The following DNAH9 variants were observed in gnomAD, a reference collection of about 807,000 sequenced individuals.
DNAH9 encodes dynein axonemal heavy chain 9.
Under a neutral mutation model 471.6 loss-of-function variants are expected in DNAH9, and 345 were observed. The ratio of observed to expected loss-of-function variants is 0.73; its 90% CI spans 0.67 to 0.80. The LOEUF is 0.80. Ranked by LOEUF, DNAH9 falls within the 30% of genes least tolerant of loss-of-function variation. The pLI is 0.00. For missense variants in DNAH9, 5,407 were observed against 5,609.2 expected (o/e 0.96, Z 1.15); for synonymous variants, 2,093 against 2,123.6 (o/e 0.99, Z 0.40).
At position 11,605,344 on chromosome 17, in the gene DNAH9, A is replaced by G. The variant is rs778350238; in HGVS notation, c.418-2785A>G. ...TTCTTGACTGTCTCTCCCTTAGAAT[A>G]TAAGCTTCATGAGGTCAGAAATTTT... On this transcript the variant is annotated intron_variant, in intron 1 of 68. Coordinates refer to ENST00000262442, the MANE Select transcript of DNAH9 (RefSeq NM_001372.4). 5.3e-5 allele frequency among the ~76,000 whole-genome samples: 8 copies of G among 152,192 alleles called. No homozygotes were observed. In the South Asian group the frequency reaches 1.2e-3, roughly 24 times the overall value.
At chr17:11,734,199 C>T (rs961993758) in intron 28 of DNAH9, among the ~76,000 whole-genome samples, 2 of 152,084 alleles carry the variant, frequency 1.3e-5, no homozygotes, top group African/African-American at 4.8e-5. Context: ...TCAGGCCCCA[C>T]CCCAGACCTG....
At chr17:11,692,161 A>G (rs1597485245) in intron 20 of DNAH9, among the ~76,000 whole-genome samples, 2 of 152,224 alleles carry the variant, frequency 1.3e-5, no homozygotes, top group African/African-American at 4.8e-5. Flanking sequence ...AAGGAATGGC[A>G]GGCCTGGGCT....
intron 5 of DNAH9, 52 bp from the exon 6 acceptor site, chr17:11,619,496 A>C: frequency 9.6e-7 from 1 of 1,042,160 alleles, no homozygotes; most frequent in Non-Finnish European, 1.5e-6. Context: ...GGTGTTGCAA[A>C]GTTACAGGAT....
intron 61 of DNAH9, among the ~76,000 whole-genome samples, chr17:11,922,188 T>C (rs1974158646): frequency 6.6e-6 from 1 of 152,256 alleles, no homozygotes; most frequent in Non-Finnish European, 1.5e-5. Flanking sequence ...AATGACAGTC[T>C]ATACATTGTT....
At chr17:11,622,712 A>G (rs143895437) in intron 6 of DNAH9, among the ~76,000 whole-genome samples, 1,671 of 152,322 alleles carry the variant, frequency 0.011, 15 homozygotes, top group Non-Finnish European at 0.018. Context: ...TTCAGTAAAT[A>G]TAAGCAGTGA....
At chr17:11,651,438 C>A in intron 13 of DNAH9, 114 bp downstream of exon 13, 1 of 1,099,470 alleles carries the variant, frequency 9.1e-7, no homozygotes, top group Non-Finnish European at 1.3e-6. Flanking sequence ...AAACATAAGT[C>A]TGTCTTCTCC....
chr17:11,803,501 C>G (rs548742884), intron 43 of DNAH9, among the ~76,000 whole-genome samples: 2 of 152,302 alleles, frequency 1.3e-5, no homozygotes, highest in South Asian at 4.1e-4. Context: ...CTCAGAAATT[C>G]AGTAATGGAC....
intron 29 of DNAH9, among the ~76,000 whole-genome samples, chr17:11,741,343 G>C (rs2075430231): frequency 6.6e-6 from 1 of 152,160 alleles, no homozygotes; most frequent in Admixed American, 6.5e-5. Context: ...CTATATTATT[G>C]TATATGCCAT....
chr17:11,769,930 T>C (rs1299729644), intron 38 of DNAH9, among the ~76,000 whole-genome samples: 1 of 152,234 alleles, frequency 6.6e-6, no homozygotes, highest in African/African-American at 2.4e-5. Context: ...AGTCTCCTTT[T>C]TTATGGAAAC....
At chr17:11,726,233 TTC>T (rs1442803765) in intron 27 of DNAH9, among the ~76,000 whole-genome samples, 3 of 152,290 alleles carry the variant, frequency 2.0e-5, no homozygotes, top group Admixed American at 1.3e-4. Context: ...TCCCCATATC[TTC>T]TGACTCTAAT....
chr17:11,822,349 G>A, intron 46 of DNAH9, 89 bp from the exon 47 acceptor site: 3 of 1,448,560 alleles, frequency 2.1e-6, no homozygotes, highest in South Asian at 1.2e-5. Context: ...CCAATCTTCT[G>A]GGAGCTAGAG....
intron 41 of DNAH9, among the ~76,000 whole-genome samples, chr17:11,786,454 C>T (rs951724192): frequency 5.4e-5 from 8 of 148,296 alleles, no homozygotes; most frequent in Non-Finnish European, 4.6e-5. Flanking sequence ...CCAGAGTGGG[C>T]CCTACTTAAC....
intron 53 of DNAH9, among the ~76,000 whole-genome samples, chr17:11,878,520 C>T (rs975536262): frequency 2.0e-5 from 3 of 151,912 alleles, no homozygotes; most frequent in Non-Finnish European, 4.4e-5. Flanking sequence ...TTAAAATATT[C>T]ACCTACATTT....
chr17:11,948,953 G>C (rs758093223), intron 67 of DNAH9, among the ~76,000 whole-genome samples: 1 of 152,154 alleles, frequency 6.6e-6, no homozygotes, highest in Non-Finnish European at 1.5e-5. Context: ...ATGACCGTGA[G>C]CCCAGGGCAA....
chr17:11,773,283 G>GAAC (rs1465835411), intron 38 of DNAH9, among the ~76,000 whole-genome samples: 1 of 152,132 alleles, frequency 6.6e-6, no homozygotes, highest in East Asian at 1.9e-4. Context: ...AGGACAGTTA[G>GAAC]AACACCCAGA....
At position 11,611,766 on chromosome 17, in the gene DNAH9, G is replaced by A. The variant is rs1188515161; in HGVS notation, c.890G>A (p.Arg297Lys). ...TTTCCAGCTTTCAAAGCCATGTACA[G>A]AGATGTTGTTGCAGGTGAGGACCAG... The part of the protein sequence containing the change: ...SYFPAFKAMY[R>K]DVVAALAEAQ... The change falls in exon 4 of 69, where the codon AGA becomes AAA. Residue 297 changes from arginine to lysine, a missense_variant. Physicochemically the swap from Arg to Lys is conservative, Grantham distance 26. Coordinates refer to ENST00000262442, the MANE Select transcript of DNAH9 (RefSeq NM_001372.4). 1 of 1,614,130 alleles carries A rather than the reference G, an allele frequency of 6.2e-7. No homozygotes were observed. Among genetic ancestry groups the A allele is most frequent in the African/African-American group, 1.3e-5 (1 of 74,960 alleles).
chr17:11,933,776 CG>C (rs2151037743), intron 64 of DNAH9, 103 bp from the exon 65 acceptor site: 1 of 997,150 alleles, frequency 1.0e-6, no homozygotes, highest in South Asian at 1.6e-5. Context: ...TCTCAAGAAG[CG>C]TCCCTCTCTT....
intron 49 of DNAH9, among the ~76,000 whole-genome samples, chr17:11,841,929 T>C: frequency 6.6e-6 from 1 of 152,158 alleles, no homozygotes. Flanking sequence ...ACTCAGATCC[T>C]ATGCCCATTT....
At chr17:11,911,914 G>A (rs901369015) in intron 61 of DNAH9, among the ~76,000 whole-genome samples, 1 of 152,028 alleles carries the variant, frequency 6.6e-6, no homozygotes, top group Non-Finnish European at 1.5e-5. Flanking sequence ...AAACTTTCTT[G>A]TTAGTTCTAA....
Sources: allele counts gnomAD v4.1 joint callset (sites outside exome capture counted in the v4.1 genomes callset), GRCh38; gene constraint gnomAD v4.1.1; transcripts MANE v1.5; gene names NCBI Gene and HGNC (gene_info 2026-07-23, HGNC 2026-07-21).